The following CDH11 variants were observed in gnomAD, a reference collection of about 807,000 sequenced individuals.
The protein encoded by CDH11 is cadherin-11.
In CDH11, 11 loss-of-function variants were observed where a neutral mutation model predicts 67.8. The ratio of observed to expected loss-of-function variants is 0.16; its 90% CI spans 0.10 to 0.27. CDH11 has a LOEUF of 0.27. CDH11 is among the 10% of genes least tolerant of loss of function. The pLI is 1.00. For missense variants in CDH11, 847 were observed against 1,031.2 expected (o/e 0.82, Z 2.45); for synonymous variants, 419 against 400.0 (o/e 1.05, Z -0.57).
At chr16:64,969,157 CG>C (rs2071931058) in intron 11 of CDH11, among the ~76,000 whole-genome samples, 2 of 151,942 alleles carry the variant, frequency 1.3e-5, no homozygotes, top group South Asian at 4.2e-4. Context: ...AGATGGTATC[CG>C]CAAAGTATTG....
At chr16:65,001,147 G>A (rs868544773) in intron 3 of CDH11, among the ~76,000 whole-genome samples, 9 of 152,180 alleles carry the variant, frequency 5.9e-5, no homozygotes, top group South Asian at 4.1e-4. Context: ...ATTTCAGCTC[G>A]GGGGTTACCT....
Position 64,947,017 on chromosome 16 carries a change from G to A in CDH11, c.*586C>T, listed in dbSNP as rs995056504. ...GAAACAAGACAGTTATATCTGGCAC[G>A]TATTAGTTTAAGATGAAAGTAGAAG... On this transcript the variant is annotated 3_prime_UTR_variant, in exon 13 of 13. Transcript: ENST00000268603. The A allele has an allele frequency of 2.0e-5, 20 of 1,020,852 alleles. No individual in the cohort carries two copies. The highest frequency in any genetic ancestry group is 4.6e-4 in the Middle Eastern group (1 of 2,192). 63.2% of individuals were successfully genotyped at this position (1,020,852 alleles called of 1,614,324 possible).
intron 2 of CDH11, among the ~76,000 whole-genome samples, chr16:65,021,662 C>A (rs1438138451): frequency 6.7e-6 from 1 of 149,344 alleles, no homozygotes; most frequent in Non-Finnish European, 1.5e-5. Flanking sequence ...CCTTTTAGAT[C>A]TCTTAATACC....
intron 5 of CDH11, 61 bp from the exon 6 acceptor site, chr16:64,991,996 G>A: frequency 1.6e-6 from 2 of 1,273,074 alleles, no homozygotes; most frequent in South Asian, 1.6e-5. Context: ...CAACAAGAAA[G>A]TTCTGAGCAC....
chr16:65,054,973 A>C (rs1342544244), intron 1 of CDH11, among the ~76,000 whole-genome samples: 2 of 152,240 alleles, frequency 1.3e-5, no homozygotes, highest in Admixed American at 1.3e-4. Context: ...GATGGACCTT[A>C]GATCTACTAA....
chr16:64,958,733 G>T (rs2071589571), intron 11 of CDH11, among the ~76,000 whole-genome samples: 1 of 151,982 alleles, frequency 6.6e-6, no homozygotes, highest in African/African-American at 2.4e-5. Context: ...CAATAGGTTG[G>T]TTAATTAGTT....
intron 1 of CDH11, among the ~76,000 whole-genome samples, chr16:65,059,344 A>T (rs73581621): frequency 0.012 from 1,892 of 152,334 alleles, 52 homozygotes; most frequent in African/African-American, 0.044. Context: ...GATTTGACAC[A>T]GTGGCCTTTT....
chr16:65,060,429 C>A (rs1173143358), intron 1 of CDH11, among the ~76,000 whole-genome samples: 1 of 152,040 alleles, frequency 6.6e-6, no homozygotes. Context: ...AAAAGACTTT[C>A]TCCAGGAGAG....
chr16:65,072,050 C>T (rs2074426453), intron 1 of CDH11: 1 of 152,224 alleles, frequency 6.6e-6, no homozygotes, highest in African/African-American at 2.4e-5. Flanking sequence ...ACTCACTCCA[C>T]CATCACGAAG....
intron 11 of CDH11, among the ~76,000 whole-genome samples, chr16:64,953,310 A>G (rs561746353): frequency 4.0e-4 from 61 of 151,634 alleles, no homozygotes; most frequent in African/African-American, 1.4e-3. Flanking sequence ...ATATATATAT[A>G]TATGGCAGAT....
chr16:64,968,090 A>G (rs1045634500), intron 11 of CDH11, among the ~76,000 whole-genome samples: 2 of 152,198 alleles, frequency 1.3e-5, no homozygotes, highest in Non-Finnish European at 2.9e-5. Context: ...TATTCATTTT[A>G]CAGTGTGCCA....
At chr16:64,987,989 G>A (rs1037312319) in intron 7 of CDH11, 168 bp downstream of exon 7, 2 of 528,662 alleles carry the variant, frequency 3.8e-6, no homozygotes, top group Admixed American at 6.9e-5. Flanking sequence ...TAACAGAAAG[G>A]AATACAATTC....
At chr16:64,962,526 A>G (rs2071700305) in intron 11 of CDH11, among the ~76,000 whole-genome samples, 1 of 152,044 alleles carries the variant, frequency 6.6e-6, no homozygotes, top group Non-Finnish European at 1.5e-5. Context: ...AGTGTGGAGA[A>G]GTTAAAATCT....
At chr16:65,115,968 A>T (rs558989309) in intron 1 of CDH11, among the ~76,000 whole-genome samples, 1 of 152,166 alleles carries the variant, frequency 6.6e-6, no homozygotes, top group African/African-American at 2.4e-5. Context: ...TGGGGAAAAA[A>T]TCTATGATGA....
chr16:65,069,495 AACATAG>A (rs2142763016), intron 1 of CDH11, among the ~76,000 whole-genome samples: 1 of 152,244 alleles, frequency 6.6e-6, no homozygotes, highest in Admixed American at 6.5e-5. Flanking sequence ...CCTCTTTTGC[AACATAG>A]ACACCTGAGC....
rs1187002655 is a variant in CDH11, at chr16:65,121,877, C to A, written c.-298+3G>T. The stretch of plus-strand genomic sequence containing the variant: ...AGAGGAAGGGACTGGCGGCGCACCT[C>A]ACCTGGGGCCCTTGAGGGTGGACGC... On this transcript the variant is annotated splice_donor_region_variant and intron_variant, in intron 1 of 12. Transcript: ENST00000268603. This position sits in a 1 kb window ranked among gnomAD's most constrained non-coding sequence, Gnocchi z 4.1. 1 of 702,026 alleles carries A rather than the reference C, an allele frequency of 1.4e-6. No homozygotes were observed. The highest frequency in any genetic ancestry group is 2.7e-5 in the East Asian group (1 of 37,198). 43.5% of individuals were successfully genotyped at this position (702,026 alleles called of 1,614,324 possible). A position where few individuals can be genotyped will look rare whatever the true frequency, so the allele number is the denominator to read the frequency against.
At chr16:64,974,284 A>C (rs1205927836) in intron 8 of CDH11, among the ~76,000 whole-genome samples, 1 of 152,182 alleles carries the variant, frequency 6.6e-6, no homozygotes, top group Non-Finnish European at 1.5e-5. Context: ...GCTGAGCTTC[A>C]TAAGTGTGTG....
intron 1 of CDH11, among the ~76,000 whole-genome samples, chr16:65,070,881 TG>T (rs1167156506): frequency 3.3e-5 from 5 of 152,060 alleles, no homozygotes; most frequent in Non-Finnish European, 7.4e-5. Context: ...CAAGGCAAAA[TG>T]GTGATGACAA....
rs1263205274 is a variant in CDH11 at position 65,027,944 on chromosome 16, C to T, written c.-172-22903G>A. Among the ~76,000 whole-genome samples, 3 of 152,132 alleles carry T rather than the reference C, an allele frequency of 2.0e-5. No homozygotes were observed. The East Asian group carries it at 5.8e-4, about 29-fold the overall frequency. On this transcript the variant is annotated intron_variant, in intron 2 of 12. Transcript: ENST00000268603. ...ACAAATATACACATAGAGAAAATAA[C>T]AGCTCCACAGCAAGTCAGCTCACTA...
Sources: gnomAD v4.1 joint callset for allele counts (sites outside exome capture counted in the v4.1 genomes callset) on GRCh38, gnomAD v4.1.1 for gene constraint, Gnocchi (gnomAD v3.1) non-coding constraint, MANE v1.5 for transcripts, NCBI Gene and HGNC (gene_info 2026-07-23, HGNC 2026-07-21) for gene names.